NOC4L: variants seen among roughly 807,000 people sequenced by gnomAD.
The protein encoded by NOC4L is nucleolar complex associated 4 homolog.
Under a neutral mutation model 62.8 loss-of-function variants are expected in NOC4L, and 40 were observed. The ratio of observed to expected loss-of-function variants is 0.64; its 90% CI spans 0.49 to 0.83. The LOEUF (loss-of-function observed/expected upper bound fraction) is 0.83. Ranked by LOEUF, NOC4L falls within the 40% of genes least tolerant of loss-of-function variation. The pLI is 0.00. For missense variants in NOC4L, 927 were observed against 701.9 expected (o/e 1.32, Z -3.62); for synonymous variants, 433 against 299.8 (o/e 1.44, Z -4.59).
rs370104241 is a variant in NOC4L at position 132,152,201 on chromosome 12, C to T, written c.1431+4C>T. ...GCTGGAGCTCACGGCCTACGAGGTG[C>T]GGAACTGGGCCAGGGTGCGAGGGTC... On this transcript the variant is annotated splice_donor_region_variant and intron_variant, in intron 14 of 14. Transcript: ENST00000330579. 5.6e-5 allele frequency: 90 copies of T among 1,610,782 alleles called. No individual in the cohort carries two copies. In the East Asian group the frequency reaches 1.3e-3, roughly 24 times the overall value.
intron 3 of NOC4L, among the ~76,000 whole-genome samples, chr12:132,146,011 G>A (rs1215012659): frequency 6.6e-6 from 1 of 152,224 alleles, no homozygotes; most frequent in Non-Finnish European, 1.5e-5. Context: ...CTTAAAATCT[G>A]TAGTGAGGAA....
At chr12:132,147,451 C>G (rs1000977919) in intron 4 of NOC4L, 63 bp downstream of exon 4, 2 of 1,495,500 alleles carry the variant, frequency 1.3e-6, no homozygotes, top group East Asian at 2.4e-5. Flanking sequence ...AGGATGGCCC[C>G]GTAGTGGGGG....
At position 132,151,615 on chromosome 12, in the gene NOC4L, G is replaced by A. The variant is rs369793802; in HGVS notation, c.1205G>A (p.Arg402Gln). The change falls in exon 12 of 15, where the codon CGG (arginine) becomes CAG (glutamine). Residue 402 changes from arginine (R) to glutamine (Q), a missense_variant. Transcript: ENST00000330579. ...CNLLRRHPAC[R>Q]VLVHRPHGPE... is the part of the protein sequence containing the mutation. The stretch of plus-strand genomic sequence containing the variant: ...CTGCTGCGCCGGCACCCTGCCTGCC[G>A]GGTCCTCGTGCACCGTCCACACGGC... 9.2e-5 allele frequency: 149 copies of A among 1,611,606 alleles called. 1 individual carries two copies. The Middle Eastern group carries it at 2.5e-3, about 27-fold the overall frequency.
Position 132,151,244 on chromosome 12 carries a change from C to A in NOC4L, c.963-14C>A. On this transcript the variant is annotated splice_polypyrimidine_tract_variant and intron_variant, in intron 10 of 14. Transcript: ENST00000330579. ...GCCCTGCTCCATCCGCTGCTCCTTC[C>A]CCCCGGCCCGCAGGGAGTACCCTGA... The A allele has an allele frequency of 6.2e-7, 1 of 1,604,128 alleles. No homozygotes were observed. Among genetic ancestry groups the A allele is most frequent in the Non-Finnish European group, 8.5e-7 (1 of 1,173,622 alleles).
At position 132,144,952 on chromosome 12, in the gene NOC4L, C is replaced by G. The variant is rs761104946; in HGVS notation, c.216C>G (p.Pro72=). Residue 72 remains proline (P), a synonymous_variant, in exon 2 of 15, where the codon CCC becomes CCG. Transcript: ENST00000330579. The part of the protein sequence containing the change: ...ERGELFVGQL[P]SEEMVMTGSQ... ...GAGAGCTGTTTGTGGGCCAGCTGCCCTCTGAGGAGATGGTCATGACAGGTG... is the reference window on the plus strand; with the variant it reads ...GAGAGCTGTTTGTGGGCCAGCTGCCGTCTGAGGAGATGGTCATGACAGGTG... 1.0e-5 allele frequency: 16 copies of G among 1,600,196 alleles called. No individual in the cohort carries two copies. In the Admixed American group the frequency reaches 1.6e-4, roughly 16 times the overall value.
At chr12:132,150,920 G>A (rs947400844) in intron 9 of NOC4L, 61 bp from the exon 10 acceptor site, 186 of 1,249,722 alleles carry the variant, frequency 1.5e-4, no homozygotes, top group Non-Finnish European at 2.0e-4. Context: ...ACTCAGTGTG[G>A]GCAGGGGGTA....
At chr12:132,151,854 C>T (rs774268808) in intron 13 of NOC4L, 34 bp downstream of exon 13, 8 of 1,595,380 alleles carry the variant, frequency 5.0e-6, no homozygotes, top group Admixed American at 3.4e-5. Flanking sequence ...TGGGGCCTCC[C>T]GAGCCATCCT....
In NOC4L at chr12:132,144,952, C is replaced by T. The variant is rs761104946; in HGVS notation, c.216C>T (p.Pro72=). The T allele has an allele frequency of 6.2e-7, 1 of 1,600,312 alleles. No individual in the cohort carries two copies. The highest frequency in any genetic ancestry group is 8.5e-7 in the Non-Finnish European group (1 of 1,174,364). ...GAGAGCTGTTTGTGGGCCAGCTGCC[C>T]TCTGAGGAGATGGTCATGACAGGTG... ...ERGELFVGQL[P]SEEMVMTGSQ... Residue 72 remains proline, a synonymous_variant, in exon 2 of 15, where the codon CCC becomes CCT. Transcript: ENST00000330579.
In NOC4L at chr12:132,144,510, G is replaced by A; in HGVS notation, c.22G>A (p.Ala8Thr). 1 of 1,519,530 alleles carries A rather than the reference G, an allele frequency of 6.6e-7. No homozygotes were observed. Among genetic ancestry groups the A allele is most frequent in the Non-Finnish European group, 8.7e-7 (1 of 1,143,904 alleles). The allele number at this position is 1,519,530 out of a possible 1,614,324, so 94.1% of individuals were successfully genotyped here. Residue 8 changes from alanine (A) to threonine (T), a missense_variant, in exon 1 of 15, where the codon GCG becomes ACG. Coordinates refer to ENST00000330579, the MANE Select transcript of NOC4L (RefSeq NM_024078.3). MEREPGA[A>T]GVRRALGRRL... The stretch of plus-strand genomic sequence containing the variant: ...CGGCATGGAGCGGGAGCCGGGCGCC[G>A]CGGGAGTTCGCCGGGCTCTGGGCCG...
chr12:132,144,506 C>T lies in NOC4L; in HGVS notation c.18C>T (p.Gly6=). The T allele has an allele frequency of 2.0e-6, 3 of 1,519,838 alleles. No homozygotes were observed. Among genetic ancestry groups the T allele is most frequent in the Non-Finnish European group, 1.7e-6 (2 of 1,144,568 alleles). The allele number at this position is 1,519,838 out of a possible 1,614,324, so 94.1% of individuals were successfully genotyped here. MEREP[G]AAGVRRALGR... ...GGGGCGGCATGGAGCGGGAGCCGGG[C>T]GCCGCGGGAGTTCGCCGGGCTCTGG... The change falls in exon 1 of 15, where the codon GGC becomes GGT. Residue 6 remains glycine (G), a synonymous_variant. Transcript: ENST00000330579.
Position 132,150,843 on chromosome 12 carries a change from C to T in NOC4L, c.902-138C>T, listed in dbSNP as rs1897906244. 3 of 686,362 alleles carry T rather than the reference C, an allele frequency of 4.4e-6. No homozygotes were observed. The South Asian group carries it at 5.1e-5, about 12-fold the overall frequency. The allele number at this position is 686,362 out of a possible 1,614,324, so 42.5% of individuals were successfully genotyped here. ...ACTCCCCTGCCCTGCATGTGGTCTC[C>T]AGCTTTGTGTCCGTGGGGGCTGTGG... is the stretch of plus-strand genomic sequence containing the variant. On this transcript the variant is annotated intron_variant, in intron 9 of 14. Transcript: ENST00000330579.
In NOC4L at chr12:132,151,512, T is replaced by C. The variant is rs1178178507; in HGVS notation, c.1102T>C (p.Phe368Leu). The C allele has an allele frequency of 1.2e-6, 2 of 1,605,850 alleles. No individual in the cohort carries two copies. Among genetic ancestry groups the C allele is most frequent in the Non-Finnish European group, 1.7e-6 (2 of 1,179,174 alleles). Reference sequence around the variant, plus strand: ...CCTCCCCGCCTACCTGGTGGCCGCCTTCGCCAAGCGGCTGGCCCGCCTGGC... The same window carrying C: ...CCTCCCCGCCTACCTGGTGGCCGCCCTCGCCAAGCGGCTGGCCCGCCTGGC... ...SHLPAYLVAA[F>L]AKRLARLALT... is the part of the protein sequence containing the mutation. The change falls in exon 12 of 15, where the codon TTC becomes CTC. Residue 368 changes from phenylalanine (F) to leucine (L), a missense_variant. Coordinates refer to ENST00000330579, the MANE Select transcript of NOC4L (RefSeq NM_024078.3).
intron 8 of NOC4L, 22 bp from the exon 9 acceptor site, chr12:132,148,762 C>A (rs1446929346): frequency 1.4e-6 from 2 of 1,431,588 alleles, no homozygotes; most frequent in South Asian, 1.3e-5. Flanking sequence ...CCCCTCACCC[C>A]CACCTGCCGG....
intron 2 of NOC4L, 135 bp from the exon 3 acceptor site, chr12:132,145,424 C>T (rs1897676263): frequency 4.9e-6 from 3 of 609,658 alleles, no homozygotes; most frequent in Non-Finnish European, 8.7e-6. Context: ...GTCTGGGGGC[C>T]TTAGCGACCT....
At chr12:132,151,926 C>T (rs1872995482) in intron 13 of NOC4L, 106 bp downstream of exon 13, 19 of 1,300,936 alleles carry the variant, frequency 1.5e-5, no homozygotes, top group Non-Finnish European at 2.0e-5. Flanking sequence ...GTTGCGTCCC[C>T]AGCTGGCCAC....
In NOC4L at chr12:132,152,311, G is replaced by T. The variant is rs780274321; in HGVS notation, c.1461G>T (p.Gly487=). 1 of 1,558,324 alleles carries T rather than the reference G, an allele frequency of 6.4e-7. No homozygotes were observed. Among genetic ancestry groups the T allele is most frequent in the East Asian group, 2.4e-5 (1 of 41,330 alleles). The change falls in exon 15 of 15, where the codon GGG becomes GGT. Residue 487 remains glycine, a synonymous_variant. Coordinates refer to ENST00000330579, the MANE Select transcript of NOC4L (RefSeq NM_024078.3). The part of the protein sequence containing the change: ...EIFERDLKKK[G]PEPVPLEFIP... ...TTGAGCGGGACCTGAAGAAGAAGGGGCCCGAGCCGGTGCCACTGGAGTTTA... is the reference window on the plus strand; with the variant it reads ...TTGAGCGGGACCTGAAGAAGAAGGGTCCCGAGCCGGTGCCACTGGAGTTTA...
chr12:132,151,551 C>T lies in NOC4L; in HGVS notation c.1141C>T (p.Pro381Ser), dbSNP rs762665769. 1.4e-5 allele frequency: 22 copies of T among 1,609,434 alleles called. No homozygotes were observed. The highest frequency in any genetic ancestry group is 1.1e-5 in the Non-Finnish European group (13 of 1,179,170). The change falls in exon 12 of 15, where the codon CCT (proline) becomes TCT (serine). Residue 381 changes from proline (P) to serine (S), a missense_variant. Transcript: ENST00000330579. The stretch of plus-strand genomic sequence containing the variant: ...GGCCCGCCTGGCCCTGACGGCTCCC[C>T]CTGAGGCCCTGCTCATGGTCCTGCC... ...RLARLALTAP[P>S]EALLMVLPFI...
At chr12:132,148,256 G>C (rs1897801363) in intron 7 of NOC4L, 150 bp downstream of exon 7, 2 of 822,798 alleles carry the variant, frequency 2.4e-6, no homozygotes, top group South Asian at 3.4e-5. Flanking sequence ...GTCACTCGAA[G>C]TGTGGGAGGT....
chr12:132,146,731 G>T (rs1897741637), intron 3 of NOC4L, among the ~76,000 whole-genome samples: 1 of 152,178 alleles, frequency 6.6e-6, no homozygotes, highest in Non-Finnish European at 1.5e-5. Flanking sequence ...GTCAACACGG[G>T]GTCTAAGTTT....
Sources: gnomAD v4.1 joint callset for allele counts (sites outside exome capture counted in the v4.1 genomes callset) on GRCh38, gnomAD v4.1.1 for gene constraint, MANE v1.5 for transcripts, NCBI Gene and HGNC (gene_info 2026-07-23, HGNC 2026-07-21) for gene names.